TTC22: variants seen among roughly 807,000 people sequenced by gnomAD.
The protein encoded by TTC22 is tetratricopeptide repeat protein 22.
TTC22 carries 42 observed loss-of-function variants against 48.2 expected under a neutral mutation model. The observed-to-expected ratio is 0.87, with a 90% CI of 0.68 to 1.13. TTC22 has a LOEUF of 1.13. Among genes scored for constraint, TTC22 ranks in the 50% most tolerant of loss-of-function variants. The probability of loss-of-function intolerance (pLI) is 0.00; values close to 1 mark genes in which losing one functional copy is unlikely to be tolerated. For missense variants in TTC22, 784 were observed against 807.0 expected, an observed-to-expected ratio of 0.97 and a Z score of 0.34; for synonymous variants, 345 against 365.5, an observed-to-expected ratio of 0.94 and a Z score of 0.64.
At position 54,801,294 on chromosome 1, in the gene TTC22, CCT is replaced by C; in HGVS notation, c.-133_-132del. The C allele has an allele frequency of 1.1e-6, 1 of 949,312 alleles. No individual in the cohort carries two copies. Among genetic ancestry groups the C allele is most frequent in the Non-Finnish European group, 1.6e-6 (1 of 641,496 alleles). The allele number at this position is 949,312 out of a possible 1,614,324, so 58.8% of individuals were successfully genotyped here. ...CCGGCAGAGGCCCCGGGCGCTGCGG[CCT>C]CTCGGTCTCAGGGCGCCTCCCGCAG... On this transcript the variant is annotated 5_prime_UTR_variant, in exon 1 of 7. Coordinates refer to ENST00000371276, the MANE Select transcript of TTC22 (RefSeq NM_001114108.2).
At chr1:54,787,332 G>A in intron 3 of TTC22, 1 of 551,706 alleles carries the variant, frequency 1.8e-6, no homozygotes, top group South Asian at 2.4e-5. Context: ...GGTCTCTTCT[G>A]ACTTCAGCTC....
chr1:54,797,617 T>C (rs1219014428), intron 1 of TTC22, among the ~76,000 whole-genome samples: 1 of 152,038 alleles, frequency 6.6e-6, no homozygotes, highest in East Asian at 1.9e-4. Flanking sequence ...CATTGCACTC[T>C]AGACTCAGTC....
In TTC22 at chr1:54,782,437, T is replaced by C; in HGVS notation, c.1061A>G (p.Lys354Arg). 1.3e-6 allele frequency: 2 copies of C among 1,551,362 alleles called. No individual in the cohort carries two copies. Among genetic ancestry groups the C allele is most frequent in the Non-Finnish European group, 1.7e-6 (2 of 1,146,812 alleles). The change falls in exon 6 of 7, where the codon AAG (lysine) becomes AGG (arginine). Residue 354 changes from lysine to arginine, a missense_variant. Physicochemically the swap from Lys to Arg is conservative, Grantham distance 26. Transcript: ENST00000371276. ...GTCAGGCATGCCCCCGAGACCCATC[T>C]TGGCCCGCTTGAGGTCATGCAGGTA... ...RAYLHDLKRA[K>R]MGLGGMPDRN...
rs1402708213 is a variant in TTC22, at chr1:54,782,215, T to C, written c.1173+110A>G. 17 of 1,117,464 alleles carry C rather than the reference T, an allele frequency of 1.5e-5. No individual in the cohort carries two copies. In the East Asian group the frequency reaches 4.2e-4, roughly 28 times the overall value. The allele number at this position is 1,117,464 out of a possible 1,614,324, so 69.2% of individuals were successfully genotyped here. On this transcript the variant is annotated intron_variant, in intron 6 of 6. Coordinates refer to ENST00000371276, the MANE Select transcript of TTC22 (RefSeq NM_001114108.2). ...CGGCTGGAGGAGATGGGTACTGTTA[T>C]CAGGGAGTGAAACTTTTTCCTCTGC...
intron 1 of TTC22, among the ~76,000 whole-genome samples, chr1:54,796,245 G>A (rs1362601720): frequency 6.6e-6 from 1 of 152,272 alleles, no homozygotes; most frequent in East Asian, 1.9e-4. Context: ...TGGGCTTGCT[G>A]ACCTATGACA....
chr1:54,790,405 A>G (rs1260538869), intron 1 of TTC22, among the ~76,000 whole-genome samples: 1 of 152,250 alleles, frequency 6.6e-6, no homozygotes, highest in Non-Finnish European at 1.5e-5. Flanking sequence ...GCTAGAGCTC[A>G]GGAATGCCAA....
intron 1 of TTC22, among the ~76,000 whole-genome samples, chr1:54,796,236 G>T (rs2101470527): frequency 6.6e-6 from 1 of 152,386 alleles, no homozygotes; most frequent in Admixed American, 6.5e-5. Context: ...CAGGGATCCT[G>T]GGCTTGCTGA....
At chr1:54,785,574 G>A (rs1040441181) in intron 5 of TTC22, 6 of 451,490 alleles carry the variant, frequency 1.3e-5, no homozygotes, top group Non-Finnish European at 2.7e-5. Flanking sequence ...CACTTTGGGA[G>A]GTCGAGGTGG....
chr1:54,784,474 C>T, intron 5 of TTC22: 1 of 906,332 alleles, frequency 1.1e-6, no homozygotes, highest in African/African-American at 1.8e-5. Context: ...TCTATGTGGC[C>T]TCATTTGTAG....
Position 54,781,205 on chromosome 1 carries a change from C to CG in TTC22, c.*37dup, listed in dbSNP as rs1244261282. 1.5e-6 allele frequency: 2 copies of CG among 1,360,692 alleles called. No individual in the cohort carries two copies. Among genetic ancestry groups the CG allele is most frequent in the Non-Finnish European group, 1.9e-6 (2 of 1,055,750 alleles). The allele number at this position is 1,360,692 out of a possible 1,614,324, so 84.3% of individuals were successfully genotyped here. A position where few individuals can be genotyped will look rare whatever the true frequency, so the allele number is the denominator to read the frequency against. ...TCCCATCAGCTGGGCGGGGCCTGGG[C>CG]GGGGTCCCAGGGAGCCTCCGGCCTG... On this transcript the variant is annotated 3_prime_UTR_variant, in exon 7 of 7. Coordinates refer to ENST00000371276, the MANE Select transcript of TTC22 (RefSeq NM_001114108.2).
intron 1 of TTC22, among the ~76,000 whole-genome samples, chr1:54,792,526 C>T (rs1018071386): frequency 3.9e-5 from 6 of 152,214 alleles, no homozygotes; most frequent in Non-Finnish European, 5.9e-5. Context: ...CCTCCGCCTC[C>T]GGGTTTAAGC....
Position 54,801,184 on chromosome 1 carries a change from T to G in TTC22, c.-21A>C, listed in dbSNP as rs1284810677. 34 of 1,607,306 alleles carry G rather than the reference T, an allele frequency of 2.1e-5. No homozygotes were observed. Among genetic ancestry groups the G allele is most frequent in the Non-Finnish European group, 2.9e-5 (34 of 1,176,008 alleles). On this transcript the variant is annotated 5_prime_UTR_variant, in exon 1 of 7. Coordinates refer to ENST00000371276, the MANE Select transcript of TTC22 (RefSeq NM_001114108.2). ...GCCATGACTGCTCCCTCTGCTCCCCTGGCCTCACCCTTGTCCCTGAGGCTG... is the reference window on the plus strand; with the variant it reads ...GCCATGACTGCTCCCTCTGCTCCCCGGGCCTCACCCTTGTCCCTGAGGCTG...
chr1:54,784,610 T>C, intron 5 of TTC22: 1 of 1,076,040 alleles, frequency 9.3e-7, no homozygotes, highest in Non-Finnish European at 1.1e-6. Context: ...ATGGTTAATG[T>C]CATTATTATC....
intron 1 of TTC22, among the ~76,000 whole-genome samples, chr1:54,796,273 G>A (rs1392126013): frequency 2.6e-5 from 4 of 152,218 alleles, no homozygotes; most frequent in Non-Finnish European, 4.4e-5. Flanking sequence ...GGGCCTTCCC[G>A]CCAGGTCCCC....
rs1311535463 is a variant in TTC22, at chr1:54,800,924, C to T, written c.240G>A (p.Glu80=). The change falls in exon 1 of 7, where the codon GAG becomes GAA. Residue 80 remains glutamate (E), a synonymous_variant. Transcript: ENST00000371276. ...HLLGAFAFYL[E]ELDEARECFL... ...AGCACTCGCGGGCCTCGTCCAGCTC[C>T]TCCAGGTAGAATGCGAAAGCGCCCA... 15 of 1,609,384 alleles carry T rather than the reference C, an allele frequency of 9.3e-6. No homozygotes were observed. Among genetic ancestry groups the T allele is most frequent in the East Asian group, 2.2e-5 (1 of 44,760 alleles).
At chr1:54,789,224 G>T (rs912530243) in intron 1 of TTC22, among the ~76,000 whole-genome samples, 1 of 152,202 alleles carries the variant, frequency 6.6e-6, no homozygotes, top group Non-Finnish European at 1.5e-5. Flanking sequence ...ATGAAGCCAG[G>T]CCTGATAGAG....
In TTC22 at chr1:54,781,183, C is replaced by T. The variant is rs894156623; in HGVS notation, c.*60G>A. ...CAGGGAGTCCATCCGGACCTGGTCC[C>T]ATCAGCTGGGCGGGGCCTGGGCGGG... is the stretch of plus-strand genomic sequence containing the variant. On this transcript the variant is annotated 3_prime_UTR_variant, in exon 7 of 7. Transcript: ENST00000371276. 3.2e-6 allele frequency: 4 copies of T among 1,249,604 alleles called. No individual in the cohort carries two copies. The highest frequency in any genetic ancestry group is 4.2e-6 in the Non-Finnish European group (4 of 960,930). The allele number at this position is 1,249,604 out of a possible 1,614,324, so 77.4% of individuals were successfully genotyped here.
chr1:54,792,434 T>G (rs1570115371), intron 1 of TTC22, among the ~76,000 whole-genome samples: 1 of 149,752 alleles, frequency 6.7e-6, no homozygotes, highest in Non-Finnish European at 1.5e-5. Context: ...ATAGACTGTC[T>G]CTCTCTCTTT....
Position 54,800,590 on chromosome 1 carries a change from C to G in TTC22, c.567+7G>C. ...CAGAGGGAGGTAGGGAGACAGGGGT[C>G]ACCTACCTGCTGCCCGTAGCCTAGC... On this transcript the variant is annotated splice_region_variant and intron_variant, in intron 1 of 6. Coordinates refer to ENST00000371276, the MANE Select transcript of TTC22 (RefSeq NM_001114108.2). 1 of 1,497,596 alleles carries G rather than the reference C, an allele frequency of 6.7e-7. No individual in the cohort carries two copies. Among genetic ancestry groups the G allele is most frequent in the Non-Finnish European group, 8.8e-7 (1 of 1,136,336 alleles). 92.8% of individuals were successfully genotyped at this position (1,497,596 alleles called of 1,614,324 possible).
Sources: allele counts gnomAD v4.1 joint callset (sites outside exome capture counted in the v4.1 genomes callset), GRCh38; gene constraint gnomAD v4.1.1; transcripts MANE v1.5; gene names NCBI Gene and HGNC (gene_info 2026-07-23, HGNC 2026-07-21).